The following CDH4 variants were observed in gnomAD, a reference collection of about 807,000 sequenced individuals.
CDH4 encodes the protein cadherin-4.
Under a neutral mutation model 86.0 loss-of-function variants are expected in CDH4, and 33 were observed. The ratio of observed to expected loss-of-function variants is 0.38; its 90% confidence interval spans 0.29 to 0.51. CDH4 has a LOEUF of 0.51. Ranked by LOEUF, CDH4 falls within the 20% of genes least tolerant of loss-of-function variation. The pLI, the probability that CDH4 is intolerant of heterozygous loss-of-function variation, is 0.86. For synonymous variants in CDH4, 555 were observed against 549.4 expected, an observed-to-expected ratio of 1.01 and a Z score of -0.14; for missense variants, 1,114 against 1,307.4, an observed-to-expected ratio of 0.85 and a Z score of 2.28.
At chr20:61,705,274 A>G (rs1339023026) in intron 2 of CDH4, among the ~76,000 whole-genome samples, 3 of 152,164 alleles carry the variant, frequency 2.0e-5, no homozygotes, top group Non-Finnish European at 4.4e-5. Flanking sequence ...AAATGAACAG[A>G]ATGTCACCCT....
At chr20:61,822,084 G>A (rs890851410) in intron 4 of CDH4, among the ~76,000 whole-genome samples, 2 of 152,320 alleles carry the variant, frequency 1.3e-5, no homozygotes, top group South Asian at 2.1e-4. Flanking sequence ...GGGGCTCTGC[G>A]CTTTTATTTT....
intron 2 of CDH4, among the ~76,000 whole-genome samples, chr20:61,637,910 A>G (rs1158995435): frequency 6.6e-6 from 1 of 151,952 alleles, no homozygotes; most frequent in South Asian, 2.1e-4. Context: ...AAGCCCAGCT[A>G]TTTGGGAGGC....
chr20:61,469,904 G>C (rs1407395561), intron 2 of CDH4, among the ~76,000 whole-genome samples: 1 of 152,054 alleles, frequency 6.6e-6, no homozygotes, highest in Non-Finnish European at 1.5e-5. Flanking sequence ...TATCTCTTCT[G>C]TTCCATTGGC....
intron 3 of CDH4, among the ~76,000 whole-genome samples, chr20:61,768,196 C>A (rs2088723281): frequency 6.6e-6 from 1 of 152,060 alleles, no homozygotes; most frequent in Non-Finnish European, 1.5e-5. Context: ...TCTATACACA[C>A]ACACACAGAC....
rs187432577 is a variant in CDH4 at position 61,328,090 on chromosome 20, A to G, written c.169+73153A>G. ...TAAATGTACAGTTTAGCTAGGGAGCAGGTTAGAGGATGCAGGGGGACAAAG... is the reference window on the plus strand; with the variant it reads ...TAAATGTACAGTTTAGCTAGGGAGCGGGTTAGAGGATGCAGGGGGACAAAG... On this transcript the variant is annotated intron_variant, in intron 2 of 15. Transcript: ENST00000614565. Among the ~76,000 whole-genome samples, 645 of 152,330 alleles carry G rather than the reference A, an allele frequency of 4.2e-3. 1 individual carries two copies. The highest frequency in any genetic ancestry group is 0.012 in the South Asian group (59 of 4,822).
At chr20:61,400,111 C>T (rs1286928920) in intron 2 of CDH4, among the ~76,000 whole-genome samples, 3 of 152,212 alleles carry the variant, frequency 2.0e-5, no homozygotes, top group African/African-American at 4.8e-5. Flanking sequence ...AACAGCCATG[C>T]CCAGGCTGGC....
intron 2 of CDH4, among the ~76,000 whole-genome samples, chr20:61,387,733 C>A (rs144188360): frequency 1.0e-3 from 157 of 152,310 alleles, no homozygotes; most frequent in African/African-American, 3.6e-3. Context: ...TCCACGCAAG[C>A]CTCTATTTTA....
intron 2 of CDH4, among the ~76,000 whole-genome samples, chr20:61,671,740 G>A (rs2087390391): frequency 6.6e-6 from 1 of 150,764 alleles, no homozygotes; most frequent in African/African-American, 2.4e-5. Context: ...GTGGATGGAT[G>A]ATGAATGAAT....
At chr20:61,277,247 C>T (rs988459177) in intron 2 of CDH4, among the ~76,000 whole-genome samples, 1 of 152,224 alleles carries the variant, frequency 6.6e-6, no homozygotes, top group African/African-American at 2.4e-5. Context: ...TCCCCTCTAC[C>T]TGAGCTAAGT....
intron 2 of CDH4, among the ~76,000 whole-genome samples, chr20:61,558,570 C>T (rs2086193895): frequency 6.6e-6 from 1 of 152,228 alleles, no homozygotes; most frequent in Non-Finnish European, 1.5e-5. Context: ...CTGCCTCACG[C>T]AGTGCAGGAG....
chr20:61,379,049 A>G lies in CDH4; in HGVS notation c.169+124112A>G, dbSNP rs188893306. On this transcript the variant is annotated intron_variant, in intron 2 of 15. Coordinates refer to ENST00000614565, the MANE Select transcript of CDH4 (RefSeq NM_001794.5). ...TCTGAGCCCAAGGTTTCTGTTTTCC[A>G]CCTATGCAAAAGGGAGCGTGAGAAT... 1.8e-4 allele frequency among the ~76,000 whole-genome samples: 27 copies of G among 152,204 alleles called. No individual in the cohort carries two copies. The East Asian group carries it at 4.6e-3, about 26-fold the overall frequency.
chr20:61,627,882 C>T (rs2086844917), intron 2 of CDH4, among the ~76,000 whole-genome samples: 1 of 152,068 alleles, frequency 6.6e-6, no homozygotes, highest in Admixed American at 6.5e-5. Flanking sequence ...CGGTGTCCCC[C>T]AGCGAGGCCC....
intron 9 of CDH4, among the ~76,000 whole-genome samples, chr20:61,920,055 G>A (rs1450449741): frequency 7.0e-3 from 228 of 32,360 alleles, no homozygotes; most frequent in African/African-American, 0.019. Context: ...GCATGGTATC[G>A]TGATTGTGTG....
chr20:61,900,110 C>T (rs998118396), intron 8 of CDH4, among the ~76,000 whole-genome samples: 97 of 152,182 alleles, frequency 6.4e-4, no homozygotes, highest in African/African-American at 2.2e-3. Context: ...CCAGCCTCAG[C>T]GGGGGGGACT....
intron 2 of CDH4, among the ~76,000 whole-genome samples, chr20:61,344,713 C>T (rs2123288361): frequency 6.6e-6 from 1 of 152,234 alleles, no homozygotes; most frequent in South Asian, 2.1e-4. Context: ...TTGACTAAAT[C>T]CTTGTTTCCC....
intron 2 of CDH4, among the ~76,000 whole-genome samples, chr20:61,513,943 AAGG>A (rs2085798474): frequency 6.6e-6 from 1 of 152,186 alleles, no homozygotes; most frequent in African/African-American, 2.4e-5. Context: ...CAGCGGGAGA[AAGG>A]AGGGCATTTA....
intron 3 of CDH4, among the ~76,000 whole-genome samples, chr20:61,759,313 T>C (rs1222224970): frequency 1.3e-5 from 2 of 152,130 alleles, no homozygotes; most frequent in African/African-American, 4.8e-5. Context: ...GTGAAAACAG[T>C]GAGAAAGGGG....
intron 2 of CDH4, among the ~76,000 whole-genome samples, chr20:61,456,216 A>C (rs189324148): frequency 6.6e-6 from 1 of 152,320 alleles, no homozygotes; most frequent in Non-Finnish European, 1.5e-5. Context: ...GCTGCCCAGC[A>C]TTTGTACTGA....
In CDH4 at chr20:61,543,895, A is replaced by ACT. The variant is rs1458867296; in HGVS notation, c.170-199666_170-199665dup. Among the ~76,000 whole-genome samples, 6 of 152,072 alleles carry ACT rather than the reference A, an allele frequency of 3.9e-5. No individual in the cohort carries two copies. In the South Asian group the frequency reaches 1.0e-3, roughly 26 times the overall value. On this transcript the variant is annotated intron_variant, in intron 2 of 15. Transcript: ENST00000614565. ...GGTGGCCCTCCTCCCAGGACCCTGG[A>ACT]CTCCCCTAGGATTCTAGAAACAGCT...
Sources: gnomAD v4.1 joint callset for allele counts (sites outside exome capture counted in the v4.1 genomes callset) on GRCh38, gnomAD v4.1.1 for gene constraint, MANE v1.5 for transcripts, NCBI Gene and HGNC (gene_info 2026-07-23, HGNC 2026-07-21) for gene names.